CIMIP2A: variants seen among roughly 807,000 people sequenced by gnomAD.
The protein encoded by CIMIP2A is family with sequence similarity 166 member A.
the CIMIP2A span, chr9:137,247,911 G>A: frequency 3.3e-5 from 20 of 607,426 alleles, no homozygotes; most frequent in South Asian, 2.1e-4. Context: ...GTGCCAGGCA[G>A]GGGAGGAGTT....
At chr9:137,244,774 C>A in the CIMIP2A span, 1 of 1,602,710 alleles carries the variant, frequency 6.2e-7, no homozygotes, top group Admixed American at 1.7e-5. Context: ...CCCAAGCCCC[C>A]TTAGCCTTCC....
chr9:137,251,875 C>T, the CIMIP2A span: 1 of 1,608,718 alleles, frequency 6.2e-7, no homozygotes, highest in Non-Finnish European at 8.5e-7. Context: ...CCCACCTACA[C>T]CCAGACCCTG....
the CIMIP2A span, among the ~76,000 whole-genome samples, chr9:137,248,733 G>A: frequency 6.6e-6 from 1 of 152,002 alleles, no homozygotes; most frequent in Non-Finnish European, 1.5e-5. Flanking sequence ...GCCAGGCATG[G>A]TGAATGTGCC....
chr9:137,253,069 T>C, the CIMIP2A span: 4 of 1,541,418 alleles, frequency 2.6e-6, no homozygotes, highest in Non-Finnish European at 2.6e-6. Context: ...CAGGTTTGAG[T>C]TGGGGCTGCT....
the CIMIP2A span, chr9:137,252,152 T>G: frequency 6.3e-7 from 1 of 1,597,798 alleles, no homozygotes; most frequent in Non-Finnish European, 8.5e-7. Context: ...GTCCCCTCCC[T>G]GAGGCCCAAC....
chr9:137,251,052 G>C, the CIMIP2A span: 72 of 537,492 alleles, frequency 1.3e-4, no homozygotes, highest in African/African-American at 1.3e-4. Flanking sequence ...TGGAAAGGTT[G>C]CGGGGAGGGA....
the CIMIP2A span, chr9:137,245,802 C>T: frequency 6.6e-7 from 1 of 1,519,606 alleles, no homozygotes; most frequent in South Asian, 1.3e-5. Flanking sequence ...CCGTGGTACG[C>T]CCATAGGTGT....
At chr9:137,248,542 C>CAAAAAAAAAA in the CIMIP2A span, among the ~76,000 whole-genome samples, 1 of 109,500 alleles carries the variant, frequency 9.1e-6, no homozygotes, top group Non-Finnish European at 1.8e-5. Context: ...GACTCTGTCT[C>CAAAAAAAAAA]AAAAAAAAAA....
chr9:137,244,372 A>AGGGCC, the CIMIP2A span: 1 of 1,598,014 alleles, frequency 6.3e-7, no homozygotes, highest in Non-Finnish European at 8.5e-7. Context: ...GCCTGGCCGG[A>AGGGCC]GGGCCGGCAC....
chr9:137,251,012 G>A, the CIMIP2A span: 3 of 448,686 alleles, frequency 6.7e-6, no homozygotes, highest in Non-Finnish European at 4.1e-6. Context: ...ACTCCCAGGA[G>A]ACCCCAGGGT....
At chr9:137,244,601 G>A in the CIMIP2A span, 3 of 1,608,558 alleles carry the variant, frequency 1.9e-6, no homozygotes, top group Non-Finnish European at 2.6e-6. Flanking sequence ...GAGGAAGTGT[G>A]TGTGTGAGCT....
chr9:137,249,589 C>A, the CIMIP2A span, among the ~76,000 whole-genome samples: 1 of 152,354 alleles, frequency 6.6e-6, no homozygotes, highest in East Asian at 1.9e-4. Flanking sequence ...ACCTTTCTGA[C>A]TGTGGGTCTT....
the CIMIP2A span, chr9:137,244,984 G>T: frequency 6.2e-7 from 1 of 1,607,298 alleles, no homozygotes. Context: ...CTGTTCTGGA[G>T]CAGGAAAAGT....
At chr9:137,248,925 G>T in the CIMIP2A span, among the ~76,000 whole-genome samples, 1 of 152,184 alleles carries the variant, frequency 6.6e-6, no homozygotes, top group African/African-American at 2.4e-5. Flanking sequence ...AAAGTTTGCA[G>T]TAAGTGCTAT....
At chr9:137,247,081 T>G in the CIMIP2A span, among the ~76,000 whole-genome samples, 1 of 151,650 alleles carries the variant, frequency 6.6e-6, no homozygotes, top group Non-Finnish European at 1.5e-5. Context: ...AGGTCAGGAG[T>G]TCGAGACCAG....
At chr9:137,251,454 G>A in the CIMIP2A span, 1 of 1,326,134 alleles carries the variant, frequency 7.5e-7, no homozygotes, top group Non-Finnish European at 1.1e-6. Context: ...AGGGGGCTGA[G>A]GGACAGTGTG....
the CIMIP2A span, chr9:137,243,914 G>T: frequency 1.8e-6 from 2 of 1,115,534 alleles, no homozygotes; most frequent in African/African-American, 3.1e-5. Context: ...TGGGGAACTT[G>T]CTTGTTGAAG....
the CIMIP2A span, chr9:137,251,905 G>A: frequency 5.6e-6 from 9 of 1,604,224 alleles, no homozygotes; most frequent in South Asian, 1.1e-5. Flanking sequence ...TGTGAGTGAG[G>A]GTCCTGGCCA....
chr9:137,244,645 G>A, the CIMIP2A span: 1 of 1,613,746 alleles, frequency 6.2e-7, no homozygotes, highest in South Asian at 1.1e-5. Context: ...TTCCTACCTG[G>A]CTCTTGTCGA....
Sources: allele counts gnomAD v4.1 joint callset (sites outside exome capture counted in the v4.1 genomes callset), GRCh38; gene constraint gnomAD v4.1.1; transcripts MANE v1.5; gene names NCBI Gene and HGNC (gene_info 2026-07-23, HGNC 2026-07-21).